Variants in ADAMTS3 observed in about 807,000 individuals in gnomAD.
The protein encoded by ADAMTS3 is ADAM metallopeptidase with thrombospondin type 1 motif 3, also known as A disintegrin and metalloproteinase with thrombospondin motifs 3.
Under a neutral mutation model 129.0 loss-of-function variants are expected in ADAMTS3, and 73 were observed. The ratio of observed to expected loss-of-function variants is 0.57; its 90% CI spans 0.47 to 0.69. The LOEUF (loss-of-function observed/expected upper bound fraction) is 0.69. Ranked by LOEUF, ADAMTS3 falls within the 30% of genes least tolerant of loss-of-function variation. The probability of loss-of-function intolerance (pLI) is 0.00; values close to 1 mark genes in which losing one functional copy is unlikely to be tolerated. For missense variants in ADAMTS3, 1,457 were observed against 1,514.5 expected (o/e 0.96, Z 0.63); for synonymous variants, 477 against 510.8 (o/e 0.93, Z 0.89).
At chr4:72,544,736 T>A (rs1030171082) in intron 3 of ADAMTS3, among the ~76,000 whole-genome samples, 1 of 152,206 alleles carries the variant, frequency 6.6e-6, no homozygotes, top group Non-Finnish European at 1.5e-5. Context: ...CTTACACTAG[T>A]TATAATGACA....
At chr4:72,319,289 G>C in intron 9 of ADAMTS3, 43 bp downstream of exon 9, 1 of 1,608,824 alleles carries the variant, frequency 6.2e-7, no homozygotes, top group Non-Finnish European at 8.5e-7. Context: ...ATGTCTGTAG[G>C]CTATAAAATA....
intron 3 of ADAMTS3, among the ~76,000 whole-genome samples, chr4:72,508,945 T>C (rs1236520574): frequency 6.6e-6 from 1 of 151,964 alleles, no homozygotes; most frequent in Non-Finnish European, 1.5e-5. Flanking sequence ...CACAATGGAA[T>C]AAAACTAGAA....
At chr4:72,339,272 C>T (rs753318680) in intron 5 of ADAMTS3, among the ~76,000 whole-genome samples, 5 of 152,122 alleles carry the variant, frequency 3.3e-5, no homozygotes, top group Non-Finnish European at 7.4e-5. Flanking sequence ...TTGACAACAA[C>T]GGAAAACTAC....
intron 3 of ADAMTS3, among the ~76,000 whole-genome samples, chr4:72,530,449 A>G (rs1424885834): frequency 3.7e-5 from 2 of 54,152 alleles, no homozygotes; most frequent in East Asian, 1.1e-3. Context: ...AATTTAATAT[A>G]TATTATATAT....
intron 3 of ADAMTS3, among the ~76,000 whole-genome samples, chr4:72,519,852 T>C (rs929694827): frequency 6.6e-5 from 10 of 152,250 alleles, no homozygotes; most frequent in Non-Finnish European, 1.3e-4. Context: ...AAAGTCATTC[T>C]CCATCCAGCT....
At chr4:72,472,544 GA>G (rs1281296189) in intron 3 of ADAMTS3, among the ~76,000 whole-genome samples, 1 of 151,942 alleles carries the variant, frequency 6.6e-6, no homozygotes, top group Non-Finnish European at 1.5e-5. Flanking sequence ...TCCATGTTAT[GA>G]ATTGCTTTTA....
chr4:72,393,589 A>G (rs1411483385), intron 4 of ADAMTS3, among the ~76,000 whole-genome samples: 1 of 152,200 alleles, frequency 6.6e-6, no homozygotes, highest in African/African-American at 2.4e-5. Context: ...AAAAATCAAG[A>G]GCTAAATCTT....
rs752420172 is a variant in ADAMTS3, at chr4:72,283,129, C to G, written c.*7G>C. 2.1e-5 allele frequency: 34 copies of G among 1,582,186 alleles called. No homozygotes were observed. In the East Asian group the frequency reaches 7.6e-4, roughly 36 times the overall value. ...CCTCTGGTTTCTAGCCTTTTTGGTT[C>G]ACTTTCTCATCTTTCTAAGGTGGAT... On this transcript the variant is annotated 3_prime_UTR_variant, in exon 22 of 22. Coordinates refer to ENST00000286657, the MANE Select transcript of ADAMTS3 (RefSeq NM_014243.3).
intron 3 of ADAMTS3, among the ~76,000 whole-genome samples, chr4:72,431,207 C>T (rs1186934382): frequency 6.6e-6 from 1 of 151,908 alleles, no homozygotes; most frequent in Non-Finnish European, 1.5e-5. Flanking sequence ...GAAAATGGCT[C>T]ATAAAACCTG....
intron 2 of ADAMTS3, among the ~76,000 whole-genome samples, chr4:72,557,073 T>C (rs1026778133): frequency 9.2e-5 from 14 of 151,950 alleles, no homozygotes; most frequent in African/African-American, 2.4e-4. Flanking sequence ...TTAACTACGA[T>C]GAAGTGGCAG....
Position 72,548,493 on chromosome 4 carries a change from G to T in ADAMTS3, c.489C>A (p.Ser163Arg). 1 of 1,613,636 alleles carries T rather than the reference G, an allele frequency of 6.2e-7. No homozygotes were observed. The highest frequency in any genetic ancestry group is 8.5e-7 in the Non-Finnish European group (1 of 1,179,688). Residue 163 changes from serine (S) to arginine (R), a missense_variant, in exon 3 of 22, where the codon AGC becomes AGA. Physicochemically the swap from Ser to Arg is moderately radical, Grantham distance 110. Transcript: ENST00000286657. The part of the protein sequence containing the change: ...VDIPGTSVAI[S>R]NCDGLAGMIK... Reference sequence around the variant, plus strand: ...GGAGTCTTACCAGACCATCACAGTTGCTGATGGCAACAGAGGTTCCTGGAA... The same window carrying T: ...GGAGTCTTACCAGACCATCACAGTTTCTGATGGCAACAGAGGTTCCTGGAA...
At chr4:72,322,376 C>T (rs78169619) in intron 6 of ADAMTS3, among the ~76,000 whole-genome samples, 3,920 of 152,208 alleles carry the variant, frequency 0.026, 142 homozygotes, top group East Asian at 0.19. Context: ...TCAGGCTAGT[C>T]GTTTCCTGTA....
intron 3 of ADAMTS3, among the ~76,000 whole-genome samples, chr4:72,417,685 T>A (rs543182009): frequency 6.6e-6 from 1 of 151,902 alleles, no homozygotes; most frequent in East Asian, 1.9e-4. Context: ...AATCCCAGCA[T>A]TTTGGGACGC....
chr4:72,539,505 A>C lies in ADAMTS3; in HGVS notation c.504+8973T>G, dbSNP rs998280865. ...GGCTACTATCAGAAAAAAAAAAAAA[A>C]AAAAAAAACAGAAAATAACAAGTGT... On this transcript the variant is annotated intron_variant, in intron 3 of 21. Coordinates refer to ENST00000286657, the MANE Select transcript of ADAMTS3 (RefSeq NM_014243.3). Among the ~76,000 whole-genome samples, 80 of 151,576 alleles carry C rather than the reference A, an allele frequency of 5.3e-4. 1 individual carries two copies. Among genetic ancestry groups the C allele is most frequent in the Non-Finnish European group, 2.5e-4 (17 of 67,840 alleles).
chr4:72,531,813 A>C (rs1357582708), intron 3 of ADAMTS3, among the ~76,000 whole-genome samples: 1 of 152,186 alleles, frequency 6.6e-6, no homozygotes, highest in Non-Finnish European at 1.5e-5. Context: ...TGAGGAAACC[A>C]AGGATCAGAC....
chr4:72,447,101 C>G (rs1718271353), intron 3 of ADAMTS3, among the ~76,000 whole-genome samples: 2 of 151,758 alleles, frequency 1.3e-5, no homozygotes, highest in Non-Finnish European at 2.9e-5. Context: ...CCCAGTTCCA[C>G]TCCTATCAAT....
chr4:72,371,441 G>GTAAA (rs4019787), intron 4 of ADAMTS3, among the ~76,000 whole-genome samples: 11,083 of 148,664 alleles, frequency 0.075, 573 homozygotes, highest in East Asian at 0.17. Flanking sequence ...GACACTAAAA[G>GTAAA]TAAATAAATA....
At chr4:72,529,146 T>C (rs1720891906) in intron 3 of ADAMTS3, among the ~76,000 whole-genome samples, 1 of 152,092 alleles carries the variant, frequency 6.6e-6, no homozygotes, top group Non-Finnish European at 1.5e-5. Context: ...GAAGAAAAGC[T>C]GATCCAAAAG....
intron 17 of ADAMTS3, 46 bp from the exon 18 acceptor site, chr4:72,298,488 A>C (rs1247795179): frequency 1.4e-6 from 2 of 1,405,828 alleles, no homozygotes; most frequent in East Asian, 2.3e-5. Context: ...GAGGGTTTTA[A>C]ATTTTGAGTG....
Sources: allele counts gnomAD v4.1 joint callset (sites outside exome capture counted in the v4.1 genomes callset), GRCh38; gene constraint gnomAD v4.1.1; transcripts MANE v1.5; gene names NCBI Gene and HGNC (gene_info 2026-07-23, HGNC 2026-07-21).